PPP1R12A: variants seen among roughly 807,000 people sequenced by gnomAD.
PPP1R12A encodes protein phosphatase 1 regulatory subunit 12A.
In PPP1R12A, 19 loss-of-function variants were observed where a neutral mutation model predicts 139.6. That is an observed-to-expected ratio of 0.14 (90% CI 0.09 to 0.20). The LOEUF (loss-of-function observed/expected upper bound fraction) is 0.20, where lower values mean the gene tolerates loss of function less well. PPP1R12A is among the 10% of genes least tolerant of loss of function. PPP1R12A has a pLI of 1.00. For synonymous variants in PPP1R12A, 427 were observed against 420.6 expected (o/e 1.02, Z -0.19); for missense variants, 925 against 1,211.5 (o/e 0.76, Z 3.51).
intron 1 of PPP1R12A, among the ~76,000 whole-genome samples, chr12:79,922,325 A>G (rs1887502652): frequency 6.6e-6 from 1 of 152,212 alleles, no homozygotes; most frequent in Non-Finnish European, 1.5e-5. Flanking sequence ...TATAGGGGAT[A>G]ACATTATCGC....
At chr12:79,871,932 T>C (rs1481701004) in intron 2 of PPP1R12A, among the ~76,000 whole-genome samples, 2 of 152,150 alleles carry the variant, frequency 1.3e-5, no homozygotes, top group Non-Finnish European at 2.9e-5. Context: ...AGATGTCGTA[T>C]AGTTAGTGGC....
chr12:79,934,424 C>G (rs1888506182), intron 1 of PPP1R12A, among the ~76,000 whole-genome samples: 1 of 152,332 alleles, frequency 6.6e-6, no homozygotes, highest in East Asian at 1.9e-4. Flanking sequence ...GCCCTGGGGC[C>G]CCAAACGACC....
intron 2 of PPP1R12A, among the ~76,000 whole-genome samples, chr12:79,850,368 G>C (rs999958565): frequency 6.6e-6 from 1 of 152,110 alleles, no homozygotes; most frequent in East Asian, 1.9e-4. Context: ...TGAGATTCTG[G>C]GTTAACTGAC....
At chr12:79,921,422 G>A (rs1565818061) in intron 1 of PPP1R12A, among the ~76,000 whole-genome samples, 2 of 152,102 alleles carry the variant, frequency 1.3e-5, no homozygotes, top group Admixed American at 6.6e-5. Flanking sequence ...CACTAAACAG[G>A]TACATTCAGA....
intron 22 of PPP1R12A, 111 bp downstream of exon 22, chr12:79,786,263 A>G: frequency 1.6e-6 from 1 of 628,438 alleles, no homozygotes; most frequent in Non-Finnish European, 2.7e-6. Context: ...ATCTTCTATT[A>G]CCAATTATCA....
chr12:79,845,625 C>T (rs141676573), intron 2 of PPP1R12A, among the ~76,000 whole-genome samples: 369 of 152,234 alleles, frequency 2.4e-3, no homozygotes, highest in Admixed American at 4.8e-3. Flanking sequence ...AGGCGGATCA[C>T]GAGGTCAGAT....
intron 9 of PPP1R12A, among the ~76,000 whole-genome samples, chr12:79,813,050 A>G (rs1354579352): frequency 6.6e-6 from 1 of 152,202 alleles, no homozygotes; most frequent in Non-Finnish European, 1.5e-5. Context: ...AATATTCTAT[A>G]AAGAATAATC....
chr12:79,846,810 A>C (rs17006037), intron 2 of PPP1R12A, among the ~76,000 whole-genome samples: 11,819 of 151,868 alleles, frequency 0.078, 768 homozygotes, highest in East Asian at 0.33. Flanking sequence ...GCCCTCACTG[A>C]TCTGGCCTTG....
intron 1 of PPP1R12A, among the ~76,000 whole-genome samples, chr12:79,913,381 A>G (rs1360016675): frequency 6.6e-6 from 1 of 152,336 alleles, no homozygotes; most frequent in East Asian, 1.9e-4. Context: ...GTATGGTATA[A>G]GGTACGGGGG....
rs759067492 is a variant in PPP1R12A at position 79,817,435 on chromosome 12, CAGT to C, written c.1195_1197del (p.Thr399del). 1.2e-6 allele frequency: 2 copies of C among 1,611,986 alleles called. No homozygotes were observed. Among genetic ancestry groups the C allele is most frequent in the East Asian group, 4.5e-5 (2 of 44,724 alleles). ...GTAGGTGTTGCTTGACCTGATGACACAGTAGGTGTTGTAACAGCTACAGGAGCT... is the reference window on the plus strand; with the variant it reads ...GTAGGTGTTGCTTGACCTGATGACACAGGTGTTGTAACAGCTACAGGAGCT... On this transcript the variant is annotated inframe_deletion, in exon 9 of 25. Transcript: ENST00000450142.
At chr12:79,806,394 C>T (rs1592643073) in intron 12 of PPP1R12A, 61 bp from the exon 13 acceptor site, 2 of 1,404,036 alleles carry the variant, frequency 1.4e-6, no homozygotes, top group Non-Finnish European at 1.9e-6. Flanking sequence ...TAGTTAATGT[C>T]TATACATTAT....
intron 1 of PPP1R12A, among the ~76,000 whole-genome samples, chr12:79,873,509 A>T (rs117241480): frequency 6.6e-6 from 1 of 151,442 alleles, no homozygotes; most frequent in African/African-American, 2.4e-5. Context: ...AAAAAAAAAA[A>T]AAAAAACATT....
chr12:79,799,417 T>C (rs1255979769), intron 14 of PPP1R12A, among the ~76,000 whole-genome samples: 1 of 152,212 alleles, frequency 6.6e-6, no homozygotes, highest in African/African-American at 2.4e-5. Context: ...CAGAGGGTGT[T>C]GGGATTAAAG....
At chr12:79,880,486 A>G (rs1248083647) in intron 1 of PPP1R12A, among the ~76,000 whole-genome samples, 2 of 152,236 alleles carry the variant, frequency 1.3e-5, no homozygotes, top group African/African-American at 4.8e-5. Context: ...CAAAGACTGT[A>G]GTTGTACTAC....
intron 2 of PPP1R12A, among the ~76,000 whole-genome samples, chr12:79,845,692 C>T (rs918979836): frequency 6.6e-6 from 1 of 151,806 alleles, no homozygotes; most frequent in East Asian, 1.9e-4. Flanking sequence ...AAAAATTAGC[C>T]GGGCGTGGTG....
intron 1 of PPP1R12A, among the ~76,000 whole-genome samples, chr12:79,933,031 T>C (rs1888364334): frequency 1.3e-5 from 2 of 152,214 alleles, no homozygotes; most frequent in Admixed American, 1.3e-4. Flanking sequence ...CTTATATAAT[T>C]ACATTATCAT....
At chr12:79,864,948 A>G (rs552714378) in intron 2 of PPP1R12A, among the ~76,000 whole-genome samples, 177 of 152,312 alleles carry the variant, frequency 1.2e-3, no homozygotes, top group African/African-American at 4.2e-3. Flanking sequence ...AAAAGAGGCA[A>G]TCCTCCCTAA....
intron 4 of PPP1R12A, among the ~76,000 whole-genome samples, chr12:79,830,780 G>T (rs775815896): frequency 6.6e-6 from 1 of 152,132 alleles, no homozygotes; most frequent in Non-Finnish European, 1.5e-5. Flanking sequence ...TGAAGAGATG[G>T]TGAATAAAAG....
chr12:79,856,619 C>A (rs949847364), intron 2 of PPP1R12A, among the ~76,000 whole-genome samples: 6 of 152,196 alleles, frequency 3.9e-5, no homozygotes, highest in Non-Finnish European at 8.8e-5. Flanking sequence ...AACAGCAAAG[C>A]AATTTGAGTA....
Sources: allele counts gnomAD v4.1 joint callset (sites outside exome capture counted in the v4.1 genomes callset), GRCh38; gene constraint gnomAD v4.1.1; transcripts MANE v1.5; gene names NCBI Gene and HGNC (gene_info 2026-07-23, HGNC 2026-07-21).